Variants in STXBP5 observed in about 807,000 individuals in gnomAD.
The protein encoded by STXBP5 is syntaxin binding protein 5, also known as syntaxin-binding protein 5.
A neutral mutation model predicts 152.4 loss-of-function variants in STXBP5; 50 were observed. The ratio of observed to expected loss-of-function variants is 0.33; its 90% CI spans 0.26 to 0.42. STXBP5 has a LOEUF of 0.42. Among genes scored for constraint, STXBP5 ranks in the 10% least tolerant of loss-of-function variants. The probability of loss-of-function intolerance (pLI) is 1.00; values close to 1 mark genes in which losing one functional copy is unlikely to be tolerated. For missense variants in STXBP5, 1,167 were observed against 1,388.6 expected (o/e 0.84, Z 2.54); for synonymous variants, 492 against 494.7 (o/e 0.99, Z 0.07).
At chr6:147,317,414 T>G in intron 16 of STXBP5, among the ~76,000 whole-genome samples, 1 of 152,184 alleles carries the variant, frequency 6.6e-6, no homozygotes, top group Non-Finnish European at 1.5e-5. Context: ...TCTAAGCTGG[T>G]GGCTCTCATT....
chr6:147,204,801 ACTC>A lies in STXBP5; in HGVS notation c.150+120_150+122del. Reference sequence around the variant, plus strand: ...GAGAACGCCAATAATAATAATAATAACTCTAATAAAAGGCTCGCTCCTCCCTTG... The same window carrying A: ...GAGAACGCCAATAATAATAATAATAATAATAAAAGGCTCGCTCCTCCCTTG... On this transcript the variant is annotated intron_variant, in intron 1 of 27. Transcript: ENST00000321680. This position sits in a 1 kb window ranked among gnomAD's most constrained non-coding sequence, Gnocchi z 4.3. 8.8e-7 allele frequency: 1 copy of A among 1,133,392 alleles called. No individual in the cohort carries two copies. The highest frequency in any genetic ancestry group is 1.2e-6 in the Non-Finnish European group (1 of 838,732). 70.2% of individuals were successfully genotyped at this position (1,133,392 alleles called of 1,614,324 possible).
chr6:147,265,115 T>C (rs1376685628), intron 6 of STXBP5, among the ~76,000 whole-genome samples: 1 of 152,078 alleles, frequency 6.6e-6, no homozygotes, highest in Non-Finnish European at 1.5e-5. Context: ...ATGTCCAAGA[T>C]ATTTGAAAAG....
intron 22 of STXBP5, among the ~76,000 whole-genome samples, chr6:147,358,668 A>C (rs959685338): frequency 1.3e-5 from 2 of 152,170 alleles, no homozygotes; most frequent in Non-Finnish European, 2.9e-5. Context: ...AGATTAACAC[A>C]TATTTTGTAT....
At chr6:147,236,290 A>G (rs1778265159) in intron 3 of STXBP5, among the ~76,000 whole-genome samples, 1 of 152,204 alleles carries the variant, frequency 6.6e-6, no homozygotes, top group Non-Finnish European at 1.5e-5. Context: ...AGAACTGTAT[A>G]TTAGGCATTT....
chr6:147,353,154 AAAT>A (rs1460110664), intron 21 of STXBP5, among the ~76,000 whole-genome samples, 166 bp from the exon 22 acceptor site: 1 of 152,150 alleles, frequency 6.6e-6, no homozygotes, highest in Non-Finnish European at 1.5e-5. Flanking sequence ...AAAAATTAGA[AAAT>A]AAAAAGTTGA....
chr6:147,345,988 ACT>A, intron 21 of STXBP5, among the ~76,000 whole-genome samples: 1 of 152,160 alleles, frequency 6.6e-6, no homozygotes, highest in Non-Finnish European at 1.5e-5. Context: ...ACCTGCCTAC[ACT>A]CTCTGAGACT....
intron 8 of STXBP5, among the ~76,000 whole-genome samples, chr6:147,285,545 T>A (rs575829086): frequency 6.6e-6 from 1 of 151,878 alleles, no homozygotes; most frequent in African/African-American, 2.4e-5. Flanking sequence ...ACTGCAACAT[T>A]TTTCATTTAC....
At chr6:147,217,336 A>G (rs536281012) in intron 2 of STXBP5, among the ~76,000 whole-genome samples, 1 of 152,362 alleles carries the variant, frequency 6.6e-6, no homozygotes, top group South Asian at 2.1e-4. Context: ...GAACTTAGCC[A>G]TTAGGCATCT....
intron 18 of STXBP5, among the ~76,000 whole-genome samples, chr6:147,331,119 G>C (rs1334189627): frequency 6.6e-6 from 1 of 152,082 alleles, no homozygotes; most frequent in Non-Finnish European, 1.5e-5. Flanking sequence ...GTATTGTGTT[G>C]AATAACATAG....
intron 4 of STXBP5, among the ~76,000 whole-genome samples, chr6:147,248,769 AT>A (rs1778945105): frequency 6.6e-6 from 1 of 152,158 alleles, no homozygotes; most frequent in Non-Finnish European, 1.5e-5. Flanking sequence ...TGGTGAAGAC[AT>A]TTTGCCAGAT....
At position 147,316,276 on chromosome 6, in the gene STXBP5, G is replaced by C; in HGVS notation, c.1671G>C (p.Pro557=). 6.2e-7 allele frequency: 1 copy of C among 1,613,880 alleles called. No homozygotes were observed. Among genetic ancestry groups the C allele is most frequent in the Non-Finnish European group, 8.5e-7 (1 of 1,179,940 alleles). The change falls in exon 16 of 28, where the codon CCG becomes CCC. Residue 557 remains proline (P), a synonymous_variant. Coordinates refer to ENST00000321680, the MANE Select transcript of STXBP5 (RefSeq NM_001127715.4). The part of the protein sequence containing the change: ...LLYEINDVET[P]EGEQPPPLPT... The stretch of plus-strand genomic sequence containing the variant: ...ATGAGATAAATGATGTGGAAACTCC[G>C]GAGGGTGAGCAGCCACCACCTTTGC...
At chr6:147,287,687 C>T (rs567799643) in intron 8 of STXBP5, among the ~76,000 whole-genome samples, 1 of 152,230 alleles carries the variant, frequency 6.6e-6, no homozygotes, top group African/African-American at 2.4e-5. Context: ...AATGGGCATT[C>T]CCTTTGTTTT....
chr6:147,373,581 G>T (rs1466524413), intron 25 of STXBP5, 150 bp from the exon 26 acceptor site: 1 of 529,594 alleles, frequency 1.9e-6, no homozygotes, highest in Non-Finnish European at 3.4e-6. Flanking sequence ...AGCACGTTCT[G>T]TATCTGATCG....
chr6:147,269,826 G>A (rs1780069044), intron 7 of STXBP5, among the ~76,000 whole-genome samples: 1 of 152,188 alleles, frequency 6.6e-6, no homozygotes, highest in African/African-American at 2.4e-5. Context: ...TTAGTGAACT[G>A]TGGTACGACT....
At chr6:147,292,210 A>G (rs1483397322) in intron 9 of STXBP5, 2 of 449,878 alleles carry the variant, frequency 4.4e-6, no homozygotes, top group Admixed American at 2.4e-5. Context: ...GCTAAAATAT[A>G]TATATAAAAA....
chr6:147,272,204 C>T (rs1489412436), intron 7 of STXBP5, among the ~76,000 whole-genome samples: 1 of 152,142 alleles, frequency 6.6e-6, no homozygotes, highest in South Asian at 2.1e-4. Context: ...TGTACTTAGA[C>T]TCTTCTTAAA....
At chr6:147,334,349 G>A in intron 19 of STXBP5, 127 bp downstream of exon 19, 2 of 737,634 alleles carry the variant, frequency 2.7e-6, no homozygotes, top group East Asian at 5.7e-5. Flanking sequence ...CACGTATTTA[G>A]TCTTAAAATC....
At chr6:147,276,097 T>A (rs1307569574) in intron 7 of STXBP5, among the ~76,000 whole-genome samples, 3 of 152,218 alleles carry the variant, frequency 2.0e-5, no homozygotes, top group African/African-American at 7.2e-5. Context: ...AATTTCTCTG[T>A]CATTTTCTCA....
At chr6:147,233,069 G>A (rs1308563456) in intron 2 of STXBP5, among the ~76,000 whole-genome samples, 3 of 151,714 alleles carry the variant, frequency 2.0e-5, no homozygotes, top group Non-Finnish European at 3.0e-5. Context: ...ATCTGTTTAT[G>A]TCTATTGTAT....
Sources: allele counts gnomAD v4.1 joint callset (sites outside exome capture counted in the v4.1 genomes callset), GRCh38; gene constraint gnomAD v4.1.1; non-coding constraint Gnocchi (gnomAD v3.1); transcripts MANE v1.5; gene names NCBI Gene and HGNC (gene_info 2026-07-23, HGNC 2026-07-21).